ZNF383: variants seen among roughly 807,000 people sequenced by gnomAD.
ZNF383 encodes zinc finger protein 383.
In ZNF383, 32 loss-of-function variants were observed where a neutral mutation model predicts 44.2. The ratio of observed to expected loss-of-function variants is 0.72; its 90% CI spans 0.55 to 0.97. The LOEUF (loss-of-function observed/expected upper bound fraction) is 0.97, where lower values mean the gene tolerates loss of function less well. Ranked by LOEUF, ZNF383 falls within the 50% of genes least tolerant of loss-of-function variation. ZNF383 has a pLI of 0.00. For synonymous variants in ZNF383, 155 were observed against 186.2 expected, an observed-to-expected ratio of 0.83 and a Z score of 1.36; for missense variants, 487 against 562.5, an observed-to-expected ratio of 0.87 and a Z score of 1.36.
chr19:37,235,550 G>T lies in ZNF383; in HGVS notation c.11G>T (p.Gly4Val). 1 of 1,613,940 alleles carries T rather than the reference G, an allele frequency of 6.2e-7. No homozygotes were observed. The highest frequency in any genetic ancestry group is 8.5e-7 in the Non-Finnish European group (1 of 1,179,910). MAE[G>V]SVMFSDVSID... ...TAATACGTATGTTTATTGTTTCAGG[G>T]ATCAGTGATGTTCAGTGATGTGTCC... is the stretch of plus-strand genomic sequence containing the variant. Residue 4 changes from glycine (G) to valine (V), a missense_variant and splice_region_variant, in exon 4 of 6, where the codon GGA (glycine) becomes GTA (valine). Coordinates refer to ENST00000684119, the MANE Select transcript of ZNF383 (RefSeq NM_001387601.1).
rs1291563310 is a variant in ZNF383 at position 37,247,592 on chromosome 19, A to C, written c.*3928A>C. On this transcript the variant is annotated 3_prime_UTR_variant, in exon 6 of 6. Coordinates refer to ENST00000684119, the MANE Select transcript of ZNF383 (RefSeq NM_001387601.1). Reference sequence around the variant, plus strand: ...GTAATTCCAGCACTTTGGGAGGCTGAGGTAGGAGAATGGCTTGAGGCCAGG... The same window carrying C: ...GTAATTCCAGCACTTTGGGAGGCTGCGGTAGGAGAATGGCTTGAGGCCAGG... 2.0e-5 allele frequency: 3 copies of C among 152,000 alleles called. No homozygotes were observed. In the East Asian group the frequency reaches 5.8e-4, roughly 29 times the overall value. The allele number at this position is 152,000 out of a possible 1,614,324, so 9.4% of individuals were successfully genotyped here. A position where few individuals can be genotyped will look rare whatever the true frequency, so the allele number is the denominator to read the frequency against.
In ZNF383 at chr19:37,245,145, T is replaced by C. The variant is rs925408905; in HGVS notation, c.*1481T>C. On this transcript the variant is annotated 3_prime_UTR_variant, in exon 6 of 6. Coordinates refer to ENST00000684119, the MANE Select transcript of ZNF383 (RefSeq NM_001387601.1). Reference sequence around the variant, plus strand: ...CTCTACTTAGCTGGGCGTGGTGGCATGTACCTGTAATCCCAGCTACTCGGG... The same window carrying C: ...CTCTACTTAGCTGGGCGTGGTGGCACGTACCTGTAATCCCAGCTACTCGGG... 5 of 152,104 alleles carry C rather than the reference T, an allele frequency of 3.3e-5. No homozygotes were observed. The East Asian group carries it at 7.9e-4, about 24-fold the overall frequency. The allele number at this position is 152,104 out of a possible 1,614,324, so 9.4% of individuals were successfully genotyped here.
At chr19:37,236,380 ACT>A (rs914139241) in intron 5 of ZNF383, among the ~76,000 whole-genome samples, 2 of 149,230 alleles carry the variant, frequency 1.3e-5, no homozygotes, top group African/African-American at 2.5e-5. Flanking sequence ...AGCTTTTTTT[ACT>A]CTCTCTCTTT....
At chr19:37,240,549 T>C (rs558729051) in intron 5 of ZNF383, among the ~76,000 whole-genome samples, 1 of 152,354 alleles carries the variant, frequency 6.6e-6, no homozygotes, top group African/African-American at 2.4e-5. Context: ...TGTTGTACTG[T>C]GTCTTAGTTT....
At chr19:37,238,413 A>G (rs1283520318) in intron 5 of ZNF383, among the ~76,000 whole-genome samples, 1 of 151,556 alleles carries the variant, frequency 6.6e-6, no homozygotes, top group African/African-American at 2.4e-5. Flanking sequence ...TTATATGTCC[A>G]TGTGTATATG....
At chr19:37,233,574 C>T (rs528188039) in intron 3 of ZNF383, among the ~76,000 whole-genome samples, 23 of 151,888 alleles carry the variant, frequency 1.5e-4, no homozygotes, top group South Asian at 4.2e-4. Context: ...GGACTACAGG[C>T]GCACACCACC....
At chr19:37,236,755 A>T (rs762501841) in intron 5 of ZNF383, among the ~76,000 whole-genome samples, 7 of 151,514 alleles carry the variant, frequency 4.6e-5, no homozygotes, top group Admixed American at 1.3e-4. Context: ...TTTTTAGTAG[A>T]GGTGGGGTTT....
chr19:37,243,803 C>G lies in ZNF383; in HGVS notation c.*139C>G, dbSNP rs969089875. 6.7e-6 allele frequency: 4 copies of G among 596,014 alleles called. No homozygotes were observed. The highest frequency in any genetic ancestry group is 1.1e-5 in the Non-Finnish European group (4 of 369,336). 36.9% of individuals were successfully genotyped at this position (596,014 alleles called of 1,614,324 possible). On this transcript the variant is annotated 3_prime_UTR_variant, in exon 6 of 6. Coordinates refer to ENST00000684119, the MANE Select transcript of ZNF383 (RefSeq NM_001387601.1). ...TGTATTTCATTCCAGGTTATAAATTCGGAGTCTAAAGTGACATTCCCTCTC... is the reference window on the plus strand; with the variant it reads ...TGTATTTCATTCCAGGTTATAAATTGGGAGTCTAAAGTGACATTCCCTCTC...
chr19:37,235,361 A>C (rs1252523654), intron 3 of ZNF383, among the ~76,000 whole-genome samples, 188 bp from the exon 4 acceptor site: 1 of 152,124 alleles, frequency 6.6e-6, no homozygotes, highest in Non-Finnish European at 1.5e-5. Flanking sequence ...AGGCCGTTTC[A>C]ATGGACAGAG....
At position 37,242,580 on chromosome 19, in the gene ZNF383, C is replaced by T. The variant is rs1349202422; in HGVS notation, c.344C>T (p.Ser115Phe). ...CTTACAAAGCATGGCCTTGAGTACT[C>T]CAGTTTTGGAGATGTTTTGGAATAT... Reference protein sequence around the residue: ...MGLTKHGLEYSSFGDVLEYRS... With the variant: ...MGLTKHGLEYFSFGDVLEYRS... Residue 115 changes from serine (S) to phenylalanine (F), a missense_variant, in exon 6 of 6, where the codon TCC (serine) becomes TTC (phenylalanine). Ser to Phe is a radical substitution (Grantham distance 155). Transcript: ENST00000684119. 1.1e-5 allele frequency: 18 copies of T among 1,613,842 alleles called. No homozygotes were observed. The highest frequency in any genetic ancestry group is 1.4e-5 in the Non-Finnish European group (17 of 1,179,936).
At chr19:37,230,654 G>A (rs1367786698) in intron 3 of ZNF383, among the ~76,000 whole-genome samples, 192 bp downstream of exon 3, 1 of 152,086 alleles carries the variant, frequency 6.6e-6, no homozygotes, top group Non-Finnish European at 1.5e-5. Flanking sequence ...AAATCAACCA[G>A]CATTAATATT....
At chr19:37,224,198 A>G (rs1476126937) in intron 1 of ZNF383, among the ~76,000 whole-genome samples, 1 of 152,212 alleles carries the variant, frequency 6.6e-6, no homozygotes. Flanking sequence ...GGTATTGCAT[A>G]TATTTAAGGT....
In ZNF383 at chr19:37,245,730, C is replaced by G. The variant is rs1214093051; in HGVS notation, c.*2066C>G. ...CCTTGTGATCCACCCACCTCGGCCT[C>G]CCAAAGTTCGGGGATTACAGGTGTG... On this transcript the variant is annotated 3_prime_UTR_variant, in exon 6 of 6. Coordinates refer to ENST00000684119, the MANE Select transcript of ZNF383 (RefSeq NM_001387601.1). 2 of 151,872 alleles carry G rather than the reference C, an allele frequency of 1.3e-5. No individual in the cohort carries two copies. Among genetic ancestry groups the G allele is most frequent in the Non-Finnish European group, 2.9e-5 (2 of 68,034 alleles). The allele number at this position is 151,872 out of a possible 1,614,324, so 9.4% of individuals were successfully genotyped here.
At chr19:37,241,036 A>T (rs528743090) in intron 5 of ZNF383, among the ~76,000 whole-genome samples, 1 of 152,188 alleles carries the variant, frequency 6.6e-6, no homozygotes, top group Non-Finnish European at 1.5e-5. Context: ...GGAGCTCCTG[A>T]CCTCAGGTGA....
chr19:37,219,589 C>G (rs1832879688), intron 1 of ZNF383: 1 of 152,816 alleles, frequency 6.5e-6, no homozygotes, highest in South Asian at 2.1e-4. Context: ...ATCCCTTCTT[C>G]TCTCCATAGA....
rs773964891 is a variant in ZNF383 at position 37,242,985 on chromosome 19, G to C, written c.749G>C (p.Gly250Ala). The stretch of plus-strand genomic sequence containing the variant: ...TCTCAACATCAGAGAATCCATACCG[G>C]TAAGAAACCCTATGAATGTAAGGAA... ...YLSQHQRIHT[G>A]KKPYECKECG... The change falls in exon 6 of 6, where the codon GGT (glycine) becomes GCT (alanine). Residue 250 changes from glycine (G) to alanine (A), a missense_variant. Physicochemically the swap from Gly to Ala is moderately conservative, Grantham distance 60 (BLOSUM62 0). Transcript: ENST00000684119. 6.8e-6 allele frequency: 11 copies of C among 1,613,876 alleles called. No homozygotes were observed. The highest frequency in any genetic ancestry group is 1.3e-5 in the African/African-American group (1 of 74,886).
At chr19:37,228,854 T>C (rs147866911) in intron 2 of ZNF383, among the ~76,000 whole-genome samples, 67 of 152,280 alleles carry the variant, frequency 4.4e-4, no homozygotes, top group Non-Finnish European at 8.1e-4. Flanking sequence ...TCTCTAATTA[T>C]TGTATGTAAA....
At chr19:37,229,803 T>TAC (rs1555782563) in intron 2 of ZNF383, among the ~76,000 whole-genome samples, 1 of 73,682 alleles carries the variant, frequency 1.4e-5, no homozygotes, top group Non-Finnish European at 2.7e-5. Flanking sequence ...TATATATATA[T>TAC]TTTTTTTTTT....
chr19:37,234,573 G>A (rs1334825341), intron 3 of ZNF383, among the ~76,000 whole-genome samples: 2 of 151,874 alleles, frequency 1.3e-5, no homozygotes, highest in Non-Finnish European at 2.9e-5. Flanking sequence ...TGTATTTTTA[G>A]TAGAGACAGG....
Sources: allele counts gnomAD v4.1 joint callset (sites outside exome capture counted in the v4.1 genomes callset), GRCh38; gene constraint gnomAD v4.1.1; transcripts MANE v1.5; gene names NCBI Gene and HGNC (gene_info 2026-07-23, HGNC 2026-07-21).